The following CD27 variants were observed in gnomAD, a reference collection of about 807,000 sequenced individuals.
CD27 encodes the protein CD27 antigen.
In CD27, 16 loss-of-function variants were observed where a neutral mutation model predicts 25.9. The ratio of observed to expected loss-of-function variants is 0.62; its 90% CI spans 0.42 to 0.94. The LOEUF (loss-of-function observed/expected upper bound fraction) is 0.94, where lower values mean the gene tolerates loss of function less well. Among genes scored for constraint, CD27 ranks in the 40% least tolerant of loss-of-function variants. The pLI is 0.00. For missense variants in CD27, 300 were observed against 333.2 expected, an observed-to-expected ratio of 0.90 and a Z score of 0.78; for synonymous variants, 142 against 124.3, an observed-to-expected ratio of 1.14 and a Z score of -0.95.
Position 6,451,675 on chromosome 12 carries a change from T to C in CD27, c.*283T>C, listed in dbSNP as rs764076947. 4 of 402,350 alleles carry C rather than the reference T, an allele frequency of 9.9e-6. No individual in the cohort carries two copies. In the South Asian group the frequency reaches 1.3e-4, roughly 13 times the overall value. The allele number at this position is 402,350 out of a possible 1,614,324, so 24.9% of individuals were successfully genotyped here. ...CACTTCCTGCTGCGAAAGACCCACA[T>C]GCTACAAGACGGGCAAAATAAAGTG... On this transcript the variant is annotated 3_prime_UTR_variant, in exon 6 of 6. Transcript: ENST00000266557.
chr12:6,450,493 G>A lies in CD27; in HGVS notation c.449-48G>A, dbSNP rs1395771618. 1 of 1,583,512 alleles carries A rather than the reference G, an allele frequency of 6.3e-7. No individual in the cohort carries two copies. Among genetic ancestry groups the A allele is most frequent in the South Asian group, 1.1e-5 (1 of 89,874 alleles). ...CAGCACCTCTCAGGCCTTCAGATGT[G>A]CCCTATGGGGTCCCCTGCTGCTACT... On this transcript the variant is annotated intron_variant, in intron 3 of 5. Coordinates refer to ENST00000266557, the MANE Select transcript of CD27 (RefSeq NM_001242.5). The surrounding 1 kb of genome is among the most constrained non-coding windows in gnomAD (Gnocchi z 4.1).
upstream of CD27, among the ~76,000 whole-genome samples, chr12:6,444,572 T>C (rs1949384726): frequency 6.7e-6 from 1 of 149,600 alleles, no homozygotes; most frequent in Admixed American, 6.9e-5. Flanking sequence ...TTCTCCTTCC[T>C]TCTTTCAACT....
intron 5 of CD27, 89 bp from the exon 6 acceptor site, chr12:6,451,179 C>T (rs1261257385): frequency 1.3e-6 from 2 of 1,551,202 alleles, no homozygotes; most frequent in Non-Finnish European, 1.8e-6. Flanking sequence ...GACACCCCTC[C>T]CCCAAGCGCA....
chr12:6,446,777 C>CAT (rs763848254), intron 2 of CD27, among the ~76,000 whole-genome samples: 175 of 32,106 alleles, frequency 5.5e-3, no homozygotes, highest in Non-Finnish European at 0.01. Context: ...AACCCTTTTT[C>CAT]ACACACACAC....
chr12:6,446,661 C>T (rs1949420309), intron 2 of CD27, among the ~76,000 whole-genome samples: 1 of 151,848 alleles, frequency 6.6e-6, no homozygotes, highest in Non-Finnish European at 1.5e-5. Context: ...CACCTGCAGT[C>T]CCAGCTACTT....
At chr12:6,447,228 G>A (rs1949429321) in intron 2 of CD27, 1 of 152,158 alleles carries the variant, frequency 6.6e-6, no homozygotes, top group Non-Finnish European at 1.5e-5. Flanking sequence ...TCTTGACAGC[G>A]GCCCCGGCAG....
At position 6,445,537 on chromosome 12, in the gene CD27, T is replaced by C; in HGVS notation, c.250T>C (p.Cys84Arg). ...CCACACCCGGCCCCACTGTGAGAGC[T>C]GTCGGCACTGTAACTCTGGTGAGGT... The part of the protein sequence containing the change: ...DHHTRPHCES[C>R]RHCNSGLLVR... The change falls in exon 2 of 6, where the codon TGT becomes CGT. Residue 84 changes from cysteine (C) to arginine (R), a missense_variant. Cys to Arg is a radical substitution (Grantham distance 180). Coordinates refer to ENST00000266557, the MANE Select transcript of CD27 (RefSeq NM_001242.5). The surrounding 1 kb of genome is among the most constrained non-coding windows in gnomAD (Gnocchi z 4.5). 6.2e-7 allele frequency: 1 copy of C among 1,613,778 alleles called. No individual in the cohort carries two copies. Among genetic ancestry groups the C allele is most frequent in the Non-Finnish European group, 8.5e-7 (1 of 1,180,018 alleles).
At chr12:6,444,879 AG>A, upstream of CD27, 1 of 535,732 alleles carries the variant, frequency 1.9e-6, no homozygotes, top group Non-Finnish European at 3.3e-6. Context: ...TACTCTCCCC[AG>A]CACACGGAAG....
rs1949404846 is a variant in CD27 at position 6,445,642 on chromosome 12, G to A, written c.268+87G>A. Reference sequence around the variant, plus strand: ...GTGACGGGTTTGGGGGTGCAAGGAGGATGACGGGGCCAAAGCTTTGGCCTT... The same window carrying A: ...GTGACGGGTTTGGGGGTGCAAGGAGAATGACGGGGCCAAAGCTTTGGCCTT... On this transcript the variant is annotated intron_variant, in intron 2 of 5. Coordinates refer to ENST00000266557, the MANE Select transcript of CD27 (RefSeq NM_001242.5). The surrounding 1 kb of genome is among the most constrained non-coding windows in gnomAD (Gnocchi z 4.5). 2.4e-5 allele frequency: 36 copies of A among 1,500,394 alleles called. No individual in the cohort carries two copies. Among genetic ancestry groups the A allele is most frequent in the Non-Finnish European group, 3.1e-5 (35 of 1,118,972 alleles). The allele number at this position is 1,500,394 out of a possible 1,614,324, so 92.9% of individuals were successfully genotyped here. A position where few individuals can be genotyped will look rare whatever the true frequency, so the allele number is the denominator to read the frequency against.
rs1949492945 is a variant in CD27 at position 6,450,023 on chromosome 12, A to G, written c.269-150A>G. The G allele has an allele frequency of 3.2e-6, 2 of 620,970 alleles. No homozygotes were observed. Among genetic ancestry groups the G allele is most frequent in the Non-Finnish European group, 5.5e-6 (2 of 360,990 alleles). 38.5% of individuals were successfully genotyped at this position (620,970 alleles called of 1,614,324 possible). A position where few individuals can be genotyped will look rare whatever the true frequency, so the allele number is the denominator to read the frequency against. ...GCAAAGGCATTGGGGGACCGTGAGC[A>G]AAGGGCAGGCCTTTGCAGGGGTGGG... On this transcript the variant is annotated intron_variant, in intron 2 of 5. Coordinates refer to ENST00000266557, the MANE Select transcript of CD27 (RefSeq NM_001242.5). This position sits in a 1 kb window ranked among gnomAD's most constrained non-coding sequence, Gnocchi z 4.1.
At position 6,451,633 on chromosome 12, in the gene CD27, G is replaced by A. The variant is rs952388165; in HGVS notation, c.*241G>A. On this transcript the variant is annotated 3_prime_UTR_variant, in exon 6 of 6. Coordinates refer to ENST00000266557, the MANE Select transcript of CD27 (RefSeq NM_001242.5). ...GCGCCTGCGCTGCAGGAGGGCGGGGGCTCTGGTTGTAAAACACACTTCCTG... is the reference window on the plus strand; with the variant it reads ...GCGCCTGCGCTGCAGGAGGGCGGGGACTCTGGTTGTAAAACACACTTCCTG... 3 of 480,760 alleles carry A rather than the reference G, an allele frequency of 6.2e-6. No homozygotes were observed. Among genetic ancestry groups the A allele is most frequent in the South Asian group, 3.7e-5 (1 of 26,708 alleles). The allele number at this position is 480,760 out of a possible 1,614,324, so 29.8% of individuals were successfully genotyped here.
In CD27 at chr12:6,445,463, C is replaced by T. The variant is rs529096536; in HGVS notation, c.176C>T (p.Ala59Val). ...LVKDCDQHRK[A>V]AQCDPCIPGV... ...AAGGACTGTGACCAGCATAGAAAGG[C>T]TGCTCAGTGTGATCCTTGCATACCG... The change falls in exon 2 of 6, where the codon GCT becomes GTT. Residue 59 changes from alanine (A) to valine (V), a missense_variant. By Grantham distance (64) the Ala-to-Val change is moderately conservative. Transcript: ENST00000266557. This position sits in a 1 kb window ranked among gnomAD's most constrained non-coding sequence, Gnocchi z 4.5. 2 of 1,614,202 alleles carry T rather than the reference C, an allele frequency of 1.2e-6. No homozygotes were observed. Among genetic ancestry groups the T allele is most frequent in the East Asian group, 2.2e-5 (1 of 44,890 alleles).
At position 6,450,498 on chromosome 12, in the gene CD27, A is replaced by G. The variant is rs1007784542; in HGVS notation, c.449-43A>G. On this transcript the variant is annotated intron_variant, in intron 3 of 5. Coordinates refer to ENST00000266557, the MANE Select transcript of CD27 (RefSeq NM_001242.5). This position sits in a 1 kb window ranked among gnomAD's most constrained non-coding sequence, Gnocchi z 4.1. ...CCTCTCAGGCCTTCAGATGTGCCCT[A>G]TGGGGTCCCCTGCTGCTACTCATTC... 3.1e-6 allele frequency: 5 copies of G among 1,591,814 alleles called. No homozygotes were observed. In the Admixed American group the frequency reaches 5.0e-5, roughly 16 times the overall value.
At chr12:6,447,776 C>G (rs1949441098) in intron 2 of CD27, 1 of 150,246 alleles carries the variant, frequency 6.7e-6, no homozygotes, top group Non-Finnish European at 1.5e-5. Flanking sequence ...AATGCTATCC[C>G]TCCTCCCTCC....
intron 2 of CD27, among the ~76,000 whole-genome samples, chr12:6,449,080 C>T (rs1441686080): frequency 6.6e-6 from 1 of 152,070 alleles, no homozygotes; most frequent in Non-Finnish European, 1.5e-5. Flanking sequence ...ACTGTAACCT[C>T]CACCTCCCGG....
chr12:6,444,772 G>A (rs1279913915), upstream of CD27: 6 of 236,016 alleles, frequency 2.5e-5, no homozygotes, highest in South Asian at 1.5e-4. Context: ...AGTGGGCTAC[G>A]TGCTTCATGA....
At position 6,450,333 on chromosome 12, in the gene CD27, C is replaced by G; in HGVS notation, c.429C>G (p.Thr143=). ...SQALSPHPQP[T]HLPYVSEMLE... ...CCCTGAGCCCACACCCTCAGCCCAC[C>G]CACTTACCTTATGTCAGTGGTAAGT... Residue 143 remains threonine, a synonymous_variant, in exon 3 of 6, where the codon ACC becomes ACG. Transcript: ENST00000266557. This position sits in a 1 kb window ranked among gnomAD's most constrained non-coding sequence, Gnocchi z 4.1. 1.2e-6 allele frequency: 2 copies of G among 1,612,576 alleles called. No individual in the cohort carries two copies. Among genetic ancestry groups the G allele is most frequent in the African/African-American group, 2.7e-5 (2 of 75,042 alleles).
upstream of CD27, chr12:6,444,891 G>C: frequency 1.8e-6 from 1 of 554,358 alleles, no homozygotes; most frequent in Non-Finnish European, 3.1e-6. Context: ...CACACGGAAG[G>C]GGAAGGGGGT....
In CD27 at chr12:6,450,820, G is replaced by C. The variant is rs1949525988; in HGVS notation, c.539-75G>C. The C allele has an allele frequency of 6.3e-7, 1 of 1,594,074 alleles. No homozygotes were observed. The highest frequency in any genetic ancestry group is 8.6e-7 in the Non-Finnish European group (1 of 1,165,186). On this transcript the variant is annotated intron_variant, in intron 4 of 5. Coordinates refer to ENST00000266557, the MANE Select transcript of CD27 (RefSeq NM_001242.5). The surrounding 1 kb of genome is among the most constrained non-coding windows in gnomAD (Gnocchi z 4.1). The stretch of plus-strand genomic sequence containing the variant: ...AGGTGGGGGAAAGGGGAGAGGCAAG[G>C]TGACAGGAGGGCTGGGCTGAGGGAG...
Sources: allele counts gnomAD v4.1 joint callset (sites outside exome capture counted in the v4.1 genomes callset), GRCh38; gene constraint gnomAD v4.1.1; non-coding constraint Gnocchi (gnomAD v3.1); transcripts MANE v1.5; gene names NCBI Gene and HGNC (gene_info 2026-07-23, HGNC 2026-07-21).